FCRL5: variants seen among roughly 807,000 people sequenced by gnomAD.
The protein encoded by FCRL5 is Fc receptor like 5, also known as Fc receptor-like protein 5.
A neutral mutation model predicts 92.1 loss-of-function variants in FCRL5; 79 were observed. That is an observed-to-expected ratio of 0.86 (90% CI 0.72 to 1.03). The LOEUF (loss-of-function observed/expected upper bound fraction) is 1.03. Ranked by LOEUF, FCRL5 falls within the 50% of genes least tolerant of loss-of-function variation. FCRL5 has a pLI of 0.00. For missense variants in FCRL5, 1,160 were observed against 1,181.1 expected (o/e 0.98, Z 0.26); for synonymous variants, 466 against 469.3 (o/e 0.99, Z 0.09).
At chr1:157,519,088 T>C (rs1418662986) in intron 13 of FCRL5, 1 of 232,628 alleles carries the variant, frequency 4.3e-6, no homozygotes, top group African/African-American at 2.3e-5. Context: ...CTTATGAAGA[T>C]CATGTAACCA....
chr1:157,552,096 G>A (rs1169463581), intron 1 of FCRL5, among the ~76,000 whole-genome samples: 3 of 152,172 alleles, frequency 2.0e-5, no homozygotes, highest in African/African-American at 7.2e-5. Flanking sequence ...AATTTTAATT[G>A]TTGTGGTTAT....
chr1:157,548,765 T>C (rs530757342), intron 2 of FCRL5, among the ~76,000 whole-genome samples: 2 of 152,226 alleles, frequency 1.3e-5, no homozygotes, highest in South Asian at 2.1e-4. Context: ...GAATGGCAAT[T>C]ATTAAAAAGT....
chr1:157,535,971 T>G (rs1255210587), intron 7 of FCRL5, among the ~76,000 whole-genome samples: 1 of 130,238 alleles, frequency 7.7e-6, no homozygotes, highest in Non-Finnish European at 1.7e-5. Flanking sequence ...AGATGGAGTC[T>G]CACTGTGTCA....
intron 8 of FCRL5, among the ~76,000 whole-genome samples, chr1:157,531,615 G>A (rs12116947): frequency 0.087 from 13,274 of 152,100 alleles, 1,552 homozygotes; most frequent in African/African-American, 0.27. Context: ...TGGAATATAT[G>A]CACAATGGAA....
intron 8 of FCRL5, chr1:157,528,819 A>G (rs929167940): frequency 5.3e-5 from 8 of 152,250 alleles, no homozygotes; most frequent in Admixed American, 6.5e-5. Context: ...CTCAAGATGG[A>G]TCAAAGACAT....
chr1:157,539,045 C>T, intron 7 of FCRL5, 41 bp downstream of exon 7: 2 of 1,597,654 alleles, frequency 1.3e-6, no homozygotes, highest in Non-Finnish European at 1.7e-6. Context: ...AGAGAGGACT[C>T]TTGGCCAGGG....
rs550154266 is a variant in FCRL5, at chr1:157,520,417, C to T, written c.2632+14G>A. 1 of 1,555,998 alleles carries T rather than the reference C, an allele frequency of 6.4e-7. No individual in the cohort carries two copies. Among genetic ancestry groups the T allele is most frequent in the Non-Finnish European group, 8.7e-7 (1 of 1,142,964 alleles). ...GGCATGAACTCAAGCCAAGGTGTGC[C>T]CAGAGTCACCCACCTGCTTTTCTCG... On this transcript the variant is annotated intron_variant, in intron 12 of 16. Coordinates refer to ENST00000361835, the MANE Select transcript of FCRL5 (RefSeq NM_031281.3).
intron 7 of FCRL5, among the ~76,000 whole-genome samples, chr1:157,538,625 T>C (rs1651091462): frequency 6.6e-6 from 1 of 152,200 alleles, no homozygotes; most frequent in Non-Finnish European, 1.5e-5. Flanking sequence ...CATGTTGGGT[T>C]AACTGTGATC....
chr1:157,537,774 A>G (rs117593952), intron 7 of FCRL5, among the ~76,000 whole-genome samples: 4,094 of 152,234 alleles, frequency 0.027, 114 homozygotes, highest in East Asian at 0.13. Flanking sequence ...ACCAGCTGAC[A>G]CTTAGGGAAA....
chr1:157,531,476 T>G (rs1650694771), intron 8 of FCRL5, among the ~76,000 whole-genome samples: 1 of 152,174 alleles, frequency 6.6e-6, no homozygotes, highest in South Asian at 2.1e-4. Context: ...GGGTGGATAT[T>G]CAAAGGAAAT....
intron 7 of FCRL5, 86 bp downstream of exon 7, chr1:157,539,000 T>A (rs1165584994): frequency 2.1e-6 from 3 of 1,402,382 alleles, no homozygotes; most frequent in Admixed American, 2.0e-5. Context: ...CAGAGGATAC[T>A]AGAAGGTACA....
At chr1:157,542,726 G>C in intron 6 of FCRL5, 133 bp downstream of exon 6, 1 of 1,085,354 alleles carries the variant, frequency 9.2e-7, no homozygotes, top group Non-Finnish European at 1.3e-6. Context: ...GTGAGCCGGA[G>C]AGTGGAGGAG....
chr1:157,522,367 A>C (rs145522007), intron 10 of FCRL5: 30 of 152,350 alleles, frequency 2.0e-4, no homozygotes, highest in Non-Finnish European at 4.0e-4. Flanking sequence ...ATCATGTATC[A>C]GACTAATGTG....
Position 157,513,787 on chromosome 1 carries a change from C to T in FCRL5, c.*1888G>A, listed in dbSNP as rs1037157821. ...TGGTGCCTCCACCTTCTCAGAACTG[C>T]ATAGGGCGTGAGCTTTGTTGGTGAT... is the stretch of plus-strand genomic sequence containing the variant. On this transcript the variant is annotated 3_prime_UTR_variant, in exon 17 of 17. Coordinates refer to ENST00000361835, the MANE Select transcript of FCRL5 (RefSeq NM_031281.3). 6.6e-6 allele frequency: 1 copy of T among 152,206 alleles called. No individual in the cohort carries two copies. Among genetic ancestry groups the T allele is most frequent in the African/African-American group, 2.4e-5 (1 of 41,434 alleles). The allele number at this position is 152,206 out of a possible 1,614,324, so 9.4% of individuals were successfully genotyped here.
Position 157,539,170 on chromosome 1 carries a change from C to A in FCRL5, c.1318G>T (p.Ala440Ser). 6.2e-7 allele frequency: 1 copy of A among 1,614,200 alleles called. No individual in the cohort carries two copies. Among genetic ancestry groups the A allele is most frequent in the Non-Finnish European group, 8.5e-7 (1 of 1,180,028 alleles). ...CAGTAGTAGTTCCCTGAATGCTCTGCAGTCAGAGAGAAGCTGATGGCCACT... is the reference window on the plus strand; with the variant it reads ...CAGTAGTAGTTCCCTGAATGCTCTGAAGTCAGAGAGAAGCTGATGGCCACT... ...GGVAISFSLT[A>S]EHSGNYYCTA... The change falls in exon 7 of 17, where the codon GCA (alanine) becomes TCA (serine). Residue 440 changes from alanine (A) to serine (S), a missense_variant. By Grantham distance (99) the Ala-to-Ser change is moderately conservative (BLOSUM62 1). Coordinates refer to ENST00000361835, the MANE Select transcript of FCRL5 (RefSeq NM_031281.3).
intron 3 of FCRL5, 143 bp from the exon 4 acceptor site, chr1:157,545,225 T>A: frequency 2.8e-6 from 3 of 1,053,144 alleles, no homozygotes; most frequent in Non-Finnish European, 4.0e-6. Flanking sequence ...TTTTCTGATT[T>A]AAAAATGAAC....
chr1:157,552,320 C>T lies in FCRL5; in HGVS notation c.31+12G>A. 1 of 1,613,720 alleles carries T rather than the reference C, an allele frequency of 6.2e-7. No individual in the cohort carries two copies. Among genetic ancestry groups the T allele is most frequent in the Non-Finnish European group, 8.5e-7 (1 of 1,179,712 alleles). On this transcript the variant is annotated intron_variant, in intron 1 of 16. Coordinates refer to ENST00000361835, the MANE Select transcript of FCRL5 (RefSeq NM_031281.3). ...ATCCCACCCAGGGCCCATGGTGAGC[C>T]CTTTTACTCACCCAGGACCAGTAAT...
Position 157,515,174 on chromosome 1 carries a change from A to C in FCRL5, c.*501T>G, listed in dbSNP as rs1649863719. ...GACCCATCACATGTCCCATGTGCACAGGCTGTGTGCTGTCCCATTTGGCAG... is the reference window on the plus strand; with the variant it reads ...GACCCATCACATGTCCCATGTGCACCGGCTGTGTGCTGTCCCATTTGGCAG... On this transcript the variant is annotated 3_prime_UTR_variant, in exon 17 of 17. Transcript: ENST00000361835. 5.1e-6 allele frequency: 1 copy of C among 194,858 alleles called. No individual in the cohort carries two copies. Among genetic ancestry groups the C allele is most frequent in the Non-Finnish European group, 1.1e-5 (1 of 93,366 alleles). 12.1% of individuals were successfully genotyped at this position (194,858 alleles called of 1,614,324 possible). A position where few individuals can be genotyped will look rare whatever the true frequency, so the allele number is the denominator to read the frequency against.
rs1359772197 is a variant in FCRL5 at position 157,545,007 on chromosome 1, T to C, written c.383A>G (p.Glu128Gly). The change falls in exon 4 of 17, where the codon GAA becomes GGA. Residue 128 changes from glutamate to glycine, a missense_variant. Coordinates refer to ENST00000361835, the MANE Select transcript of FCRL5 (RefSeq NM_031281.3). ...GTAAATAGTATTATTCAGTGTTACT[T>C]CCGCCTTTGCCCGGCACCTCAGAAC... ...SVVLRCRAKA[E>G]VTLNNTIYKN... 3 of 1,613,776 alleles carry C rather than the reference T, an allele frequency of 1.9e-6. No homozygotes were observed. Among genetic ancestry groups the C allele is most frequent in the Non-Finnish European group, 2.5e-6 (3 of 1,180,046 alleles).
Sources: gnomAD v4.1 joint callset for allele counts (sites outside exome capture counted in the v4.1 genomes callset) on GRCh38, gnomAD v4.1.1 for gene constraint, MANE v1.5 for transcripts, NCBI Gene and HGNC (gene_info 2026-07-23, HGNC 2026-07-21) for gene names.